Variants in TBC1D23 observed in about 807,000 individuals in gnomAD.
TBC1D23 encodes the protein HCV non-structural protein 4A-transactivated protein 1.
Under a neutral mutation model 91.4 loss-of-function variants are expected in TBC1D23, and 55 were observed. That is an observed-to-expected ratio of 0.60 (90% confidence interval 0.48 to 0.75). The LOEUF is 0.75. Among genes scored for constraint, TBC1D23 ranks in the 30% least tolerant of loss-of-function variants. The pLI is 0.00. For synonymous variants in TBC1D23, 289 were observed against 281.0 expected (o/e 1.03, Z -0.28); for missense variants, 725 against 836.1 (o/e 0.87, Z 1.64).
chr3:100,300,467 T>G (rs1476601086), intron 10 of TBC1D23, among the ~76,000 whole-genome samples: 2 of 152,082 alleles, frequency 1.3e-5, no homozygotes, highest in East Asian at 1.9e-4. Context: ...TTTTAAAAAT[T>G]TACTCAAGTG....
At chr3:100,323,541 A>T (rs1384237642) in intron 18 of TBC1D23, 46 bp from the exon 19 acceptor site, 3 of 945,212 alleles carry the variant, frequency 3.2e-6, no homozygotes, top group Non-Finnish European at 4.3e-6. Flanking sequence ...ATACATATAC[A>T]TATGTATATA....
intron 15 of TBC1D23, among the ~76,000 whole-genome samples, chr3:100,313,193 C>T (rs1340822555): frequency 6.6e-6 from 1 of 152,054 alleles, no homozygotes; most frequent in Non-Finnish European, 1.5e-5. Flanking sequence ...ATTTGTGAAT[C>T]ATCCTTTCCA....
At chr3:100,275,901 G>A (rs572286122) in intron 1 of TBC1D23, among the ~76,000 whole-genome samples, 3 of 152,200 alleles carry the variant, frequency 2.0e-5, no homozygotes, top group South Asian at 4.1e-4. Context: ...ATGAAACCAG[G>A]CATAAAGGCC....
At chr3:100,309,483 T>C (rs1705579289) in intron 13 of TBC1D23, among the ~76,000 whole-genome samples, 1 of 152,138 alleles carries the variant, frequency 6.6e-6, no homozygotes, top group African/African-American at 2.4e-5. Flanking sequence ...CTTTTGCTTA[T>C]TTTTGTAGAC....
At chr3:100,295,762 G>A (rs17395659) in intron 7 of TBC1D23, among the ~76,000 whole-genome samples, 10,788 of 151,982 alleles carry the variant, frequency 0.071, 494 homozygotes, top group Admixed American at 0.1. Context: ...TATATTCCCT[G>A]GCACTTTGTT....
intron 13 of TBC1D23, among the ~76,000 whole-genome samples, chr3:100,308,155 T>C (rs1260834128): frequency 6.6e-6 from 1 of 152,222 alleles, no homozygotes; most frequent in Non-Finnish European, 1.5e-5. Flanking sequence ...AACATAATTT[T>C]TTTTGTTGTT....
At chr3:100,313,304 GT>G (rs1236628833) in intron 15 of TBC1D23, among the ~76,000 whole-genome samples, 2 of 151,940 alleles carry the variant, frequency 1.3e-5, no homozygotes, top group Non-Finnish European at 2.9e-5. Context: ...TGATCCACAG[GT>G]AGATATATTT....
intron 11 of TBC1D23, among the ~76,000 whole-genome samples, 195 bp from the exon 12 acceptor site, chr3:100,304,651 A>G (rs1021084658): frequency 1.3e-5 from 2 of 152,176 alleles, no homozygotes; most frequent in African/African-American, 4.8e-5. Context: ...TTCCCACCCA[A>G]GCACCAGAAC....
rs188500566 is a variant in TBC1D23 at position 100,323,582 on chromosome 3, C to T, written c.2019-5C>T. ...GTATATATATGTATTTTTTTTCCCC[C>T]TTAGGTATTTGATTCCAAATGCAGG... On this transcript the variant is annotated splice_region_variant and splice_polypyrimidine_tract_variant and intron_variant, in intron 18 of 18. Coordinates refer to ENST00000394144, the MANE Select transcript of TBC1D23 (RefSeq NM_001199198.3). The T allele has an allele frequency of 4.1e-5, 60 of 1,453,000 alleles. No individual in the cohort carries two copies. In the African/African-American group the frequency reaches 6.2e-4, roughly 15 times the overall value. 90.0% of individuals were successfully genotyped at this position (1,453,000 alleles called of 1,614,324 possible). A position where few individuals can be genotyped will look rare whatever the true frequency, so the allele number is the denominator to read the frequency against.
intron 1 of TBC1D23, among the ~76,000 whole-genome samples, chr3:100,273,400 C>A (rs1409095587): frequency 6.6e-6 from 1 of 152,342 alleles, no homozygotes; most frequent in East Asian, 1.9e-4. Context: ...CTACTTCTTT[C>A]TACACAGACA....
At chr3:100,264,854 AC>A (rs1206345833) in intron 1 of TBC1D23, among the ~76,000 whole-genome samples, 2 of 152,194 alleles carry the variant, frequency 1.3e-5, no homozygotes, top group Non-Finnish European at 2.9e-5. Flanking sequence ...ATTTAAACGT[AC>A]ATTGGAATTA....
intron 13 of TBC1D23, among the ~76,000 whole-genome samples, chr3:100,309,588 C>G (rs1196404599): frequency 7.0e-6 from 1 of 142,330 alleles, no homozygotes; most frequent in Non-Finnish European, 1.5e-5. Flanking sequence ...GCAAGTATAT[C>G]CTAAATTTTT....
At chr3:100,280,668 A>G (rs1235852778) in intron 2 of TBC1D23, among the ~76,000 whole-genome samples, 1 of 152,220 alleles carries the variant, frequency 6.6e-6, no homozygotes, top group Non-Finnish European at 1.5e-5. Flanking sequence ...GCATTTTATT[A>G]TAGAAGTTTA....
At chr3:100,306,131 A>G (rs1333930512) in intron 12 of TBC1D23, among the ~76,000 whole-genome samples, 1 of 152,198 alleles carries the variant, frequency 6.6e-6, no homozygotes, top group Non-Finnish European at 1.5e-5. Context: ...TGCAGAAATT[A>G]TCTGTTAATA....
At position 100,261,041 on chromosome 3, in the gene TBC1D23, C is replaced by T. The variant is rs745576078; in HGVS notation, c.23C>T (p.Pro8Leu). The T allele has an allele frequency of 6.2e-7, 1 of 1,613,938 alleles. No individual in the cohort carries two copies. The highest frequency in any genetic ancestry group is 1.3e-5 in the African/African-American group (1 of 74,948). Residue 8 changes from proline to leucine, a missense_variant, in exon 1 of 19, where the codon CCG becomes CTG. By Grantham distance (98) the Pro-to-Leu change is moderately conservative. Coordinates refer to ENST00000394144, the MANE Select transcript of TBC1D23 (RefSeq NM_001199198.3). ...GCAATGGCGGAAGGAGAAGATGTGC[C>T]GCCGCTGCCAACGTCGAGCGGCGAC... MAEGEDV[P>L]PLPTSSGDGW...
At position 100,297,975 on chromosome 3, in the gene TBC1D23, C is replaced by T; in HGVS notation, c.929C>T (p.Ala310Val). The T allele has an allele frequency of 1.2e-6, 2 of 1,612,184 alleles. No individual in the cohort carries two copies. Among genetic ancestry groups the T allele is most frequent in the Non-Finnish European group, 1.7e-6 (2 of 1,178,542 alleles). Residue 310 changes from alanine (A) to valine (V), a missense_variant, in exon 9 of 19, where the codon GCA (alanine) becomes GTA (valine). Coordinates refer to ENST00000394144, the MANE Select transcript of TBC1D23 (RefSeq NM_001199198.3). ...TTGTTGGGAATTAAGGATGATGATG[C>T]AGATCTGAGTCAGGCTCTTTGTCTG... Reference protein sequence around the residue: ...STLLGIKDDDADLSQALCLAI... With the variant: ...STLLGIKDDDVDLSQALCLAI...
intron 13 of TBC1D23, among the ~76,000 whole-genome samples, chr3:100,309,237 A>AG (rs1255326812): frequency 6.6e-6 from 1 of 152,230 alleles, no homozygotes; most frequent in African/African-American, 2.4e-5. Context: ...TTGGTACATC[A>AG]GGATAACTTT....
At position 100,295,072 on chromosome 3, in the gene TBC1D23, A is replaced by T. The variant is rs902117993; in HGVS notation, c.601-15A>T. 3.8e-6 allele frequency: 6 copies of T among 1,560,010 alleles called. No individual in the cohort carries two copies. Among genetic ancestry groups the T allele is most frequent in the Non-Finnish European group, 5.2e-6 (6 of 1,159,486 alleles). On this transcript the variant is annotated splice_polypyrimidine_tract_variant and intron_variant, in intron 5 of 18. Transcript: ENST00000394144. ...TCCAGTGGTTTATGTCTCTCATTTC[A>T]TTTCCTGATTACAGCTTGGAAGTCT...
intron 18 of TBC1D23, among the ~76,000 whole-genome samples, chr3:100,321,830 TAA>T (rs10693696): frequency 3.6e-4 from 52 of 146,094 alleles, no homozygotes; most frequent in South Asian, 6.4e-4. Context: ...ACCTGATTTG[TAA>T]AAAAAAAAAA....
Sources: gnomAD v4.1 joint callset for allele counts (sites outside exome capture counted in the v4.1 genomes callset) on GRCh38, gnomAD v4.1.1 for gene constraint, MANE v1.5 for transcripts, NCBI Gene and HGNC (gene_info 2026-07-23, HGNC 2026-07-21) for gene names.